EPHA7: variants seen among roughly 807,000 people sequenced by gnomAD.
EPHA7 encodes the protein ephrin type-A receptor 7.
In EPHA7, 25 loss-of-function variants were observed where a neutral mutation model predicts 112.6. The ratio of observed to expected loss-of-function variants is 0.22; its 90% CI spans 0.16 to 0.31. The LOEUF is 0.31. Among genes scored for constraint, EPHA7 ranks in the 10% least tolerant of loss-of-function variants. EPHA7 has a pLI of 1.00. For missense variants in EPHA7, 962 were observed against 1,212.6 expected (o/e 0.79, Z 3.07); for synonymous variants, 437 against 406.5 (o/e 1.07, Z -0.90).
intron 5 of EPHA7, among the ~76,000 whole-genome samples, chr6:93,308,008 C>T (rs543694337): frequency 1.3e-5 from 2 of 152,208 alleles, no homozygotes; most frequent in African/African-American, 4.8e-5. Flanking sequence ...AGAATATGAT[C>T]CTGAGTTGCT....
chr6:93,323,357 G>T (rs933839850), intron 5 of EPHA7, among the ~76,000 whole-genome samples: 1 of 151,208 alleles, frequency 6.6e-6, no homozygotes, highest in Non-Finnish European at 1.5e-5. Context: ...ATTCTTCCAC[G>T]AATTCTTTCC....
chr6:93,357,766 G>A (rs1451300522), intron 4 of EPHA7, among the ~76,000 whole-genome samples: 2 of 151,194 alleles, frequency 1.3e-5, no homozygotes, highest in African/African-American at 4.9e-5. Context: ...TGATTCTCCT[G>A]CTTCAGTCTT....
intron 5 of EPHA7, among the ~76,000 whole-genome samples, chr6:93,339,493 A>T (rs1489343734): frequency 6.6e-6 from 1 of 151,784 alleles, no homozygotes; most frequent in Non-Finnish European, 1.5e-5. Context: ...TTTATAAAAC[A>T]TTTTTTCATA....
chr6:93,356,909 C>T lies in EPHA7; in HGVS notation c.1132G>A (p.Glu378Lys), dbSNP rs778960808. 1 of 1,614,108 alleles carries T rather than the reference C, an allele frequency of 6.2e-7. No homozygotes were observed. The highest frequency in any genetic ancestry group is 8.5e-7 in the Non-Finnish European group (1 of 1,180,026). Residue 378 changes from glutamate (E) to lysine (K), a missense_variant, in exon 5 of 17, where the codon GAA becomes AAA. Glu to Lys is a moderately conservative substitution (Grantham distance 56, BLOSUM62 1). Transcript: ENST00000369303. The stretch of plus-strand genomic sequence containing the variant: ...ATGTTACTCCCACAGGGAACACATT[C>T]GCCCTGCTCCCAACTGCACCGCTTA... ...LCKRCSWEQG[E>K]CVPCGSNIGY...
chr6:93,400,689 CACT>C (rs1273974666), intron 3 of EPHA7, among the ~76,000 whole-genome samples: 1 of 151,924 alleles, frequency 6.6e-6, no homozygotes, highest in African/African-American at 2.4e-5. Context: ...AGACACACAC[CACT>C]ACACCTGAAT....
chr6:93,388,308 C>T (rs10455552), intron 3 of EPHA7, among the ~76,000 whole-genome samples: 8,271 of 152,122 alleles, frequency 0.054, 285 homozygotes, highest in East Asian at 0.13. Flanking sequence ...AAGTTGACAT[C>T]TTTTCAAAAG....
At position 93,259,475 on chromosome 6, in the gene EPHA7, T is replaced by C; in HGVS notation, c.1803A>G (p.Lys601=). Reference sequence around the variant, plus strand: ...CAATGTAGGTTTTGGTGCCTGGAAATTTAACTGTAATGATGTAAGAAAGCA... The same window carrying C: ...CAATGTAGGTTTTGGTGCCTGGAAACTTAACTGTAATGATGTAAGAAAGCA... ...EGDEELYFHF[K]FPGTKTYIDP... is the part of the protein sequence containing the mutation. The change falls in exon 10 of 17, where the codon AAA becomes AAG. Residue 601 remains lysine (K), a synonymous_variant. Transcript: ENST00000369303. 1 of 1,611,192 alleles carries C rather than the reference T, an allele frequency of 6.2e-7. No homozygotes were observed. The highest frequency in any genetic ancestry group is 8.5e-7 in the Non-Finnish European group (1 of 1,177,836).
Position 93,264,316 on chromosome 6 carries a change from A to G in EPHA7, c.1742+278T>C, listed in dbSNP as rs138220597. Among the ~76,000 whole-genome samples the G allele has an allele frequency of 7.2e-4, 109 of 151,586 alleles. 2 individuals carry two copies. The highest frequency in any genetic ancestry group is 2.5e-3 in the African/African-American group (105 of 41,472). On this transcript the variant is annotated intron_variant, in intron 8 of 16. Coordinates refer to ENST00000369303, the MANE Select transcript of EPHA7 (RefSeq NM_004440.4). ...TAAAAGAGTAAACATTTCCCCAGGT[A>G]TATTCTATATTTATTATGAAAACTT...
At chr6:93,352,437 T>C (rs1388390266) in intron 5 of EPHA7, among the ~76,000 whole-genome samples, 1 of 152,152 alleles carries the variant, frequency 6.6e-6, no homozygotes, top group Admixed American at 6.6e-5. Context: ...ACTTTTATAC[T>C]CTTACATCTA....
At chr6:93,284,521 T>TATA (rs1204922153) in intron 5 of EPHA7, among the ~76,000 whole-genome samples, 2 of 152,100 alleles carry the variant, frequency 1.3e-5, no homozygotes, top group African/African-American at 4.8e-5. Context: ...ACTACCTCAT[T>TATA]TATAAAGATA....
chr6:93,268,337 C>T (rs946652373), intron 7 of EPHA7, among the ~76,000 whole-genome samples: 1 of 151,718 alleles, frequency 6.6e-6, no homozygotes, highest in Non-Finnish European at 1.5e-5. Flanking sequence ...AAGAATAATA[C>T]TGCTAGCAAA....
At position 93,410,398 on chromosome 6, in the gene EPHA7, G is replaced by A; in HGVS notation, c.832+103C>T. ...TAAGATCTACTGAATTGCGCTTCTGGTACAGAGCAGATTCACGTATTCAAA... is the reference window on the plus strand; with the variant it reads ...TAAGATCTACTGAATTGCGCTTCTGATACAGAGCAGATTCACGTATTCAAA... On this transcript the variant is annotated intron_variant, in intron 3 of 16. Transcript: ENST00000369303. This position sits in a 1 kb window ranked among gnomAD's most constrained non-coding sequence, Gnocchi z 4.0. 9.2e-7 allele frequency: 1 copy of A among 1,088,992 alleles called. No individual in the cohort carries two copies. The allele number at this position is 1,088,992 out of a possible 1,614,324, so 67.5% of individuals were successfully genotyped here.
At chr6:93,349,324 G>C (rs576359559) in intron 5 of EPHA7, among the ~76,000 whole-genome samples, 1 of 151,824 alleles carries the variant, frequency 6.6e-6, no homozygotes, top group East Asian at 1.9e-4. Flanking sequence ...CCTTGTTTAA[G>C]CAAAGCATAT....
chr6:93,360,630 T>A (rs1776216061), intron 3 of EPHA7, among the ~76,000 whole-genome samples: 1 of 152,112 alleles, frequency 6.6e-6, no homozygotes, highest in African/African-American at 2.4e-5. Flanking sequence ...TAATTCCCCT[T>A]TTTCCACAAA....
chr6:93,419,045 C>T (rs909133110), intron 1 of EPHA7, among the ~76,000 whole-genome samples, 200 bp downstream of exon 1: 1 of 152,218 alleles, frequency 6.6e-6, no homozygotes, highest in African/African-American at 2.4e-5. Flanking sequence ...GGGCACAGGG[C>T]TGTAGGCGGC....
intron 3 of EPHA7, among the ~76,000 whole-genome samples, chr6:93,374,434 A>G (rs1776951301): frequency 6.6e-6 from 1 of 152,170 alleles, no homozygotes; most frequent in Non-Finnish European, 1.5e-5. Context: ...TTTTCTAACT[A>G]AATGTAGAAG....
intron 3 of EPHA7, among the ~76,000 whole-genome samples, chr6:93,358,815 C>G (rs1357421254): frequency 6.6e-6 from 1 of 152,102 alleles, no homozygotes; most frequent in Admixed American, 6.5e-5. Context: ...TATAATATAG[C>G]TTTAAACTAA....
chr6:93,244,703 A>G (rs1463030342), intron 16 of EPHA7, among the ~76,000 whole-genome samples: 1 of 152,136 alleles, frequency 6.6e-6, no homozygotes, highest in Non-Finnish European at 1.5e-5. Context: ...AATTGATCAT[A>G]CATCTTCCAA....
At position 93,289,892 on chromosome 6, in the gene EPHA7, G is replaced by A. The variant is rs144136075; in HGVS notation, c.1325-17470C>T. 6.3e-3 allele frequency among the ~76,000 whole-genome samples: 956 copies of A among 152,194 alleles called. 11 individuals are homozygous for A. The highest frequency in any genetic ancestry group is 0.021 in the African/African-American group (881 of 41,542). ...TCATTTAAATGGTCATCACAATGAA[G>A]GATTTTAGTTTATATATTCCCTTTG... On this transcript the variant is annotated intron_variant, in intron 5 of 16. Coordinates refer to ENST00000369303, the MANE Select transcript of EPHA7 (RefSeq NM_004440.4).
Sources: allele counts gnomAD v4.1 joint callset (sites outside exome capture counted in the v4.1 genomes callset), GRCh38; gene constraint gnomAD v4.1.1; non-coding constraint Gnocchi (gnomAD v3.1); transcripts MANE v1.5; gene names NCBI Gene and HGNC (gene_info 2026-07-23, HGNC 2026-07-21).